The following PARD3B variants were observed in gnomAD, a reference collection of about 807,000 sequenced individuals.
PARD3B encodes par-3 family cell polarity regulator beta.
Under a neutral mutation model 130.2 loss-of-function variants are expected in PARD3B, and 103 were observed. That is an observed-to-expected ratio of 0.79 (90% CI 0.67 to 0.93). PARD3B has a LOEUF of 0.93. Among genes scored for constraint, PARD3B ranks in the 40% least tolerant of loss-of-function variants. The pLI is 0.00. For missense variants in PARD3B, 1,609 were observed against 1,499.2 expected, an observed-to-expected ratio of 1.07 and a Z score of -1.21; for synonymous variants, 583 against 553.2, an observed-to-expected ratio of 1.05 and a Z score of -0.76.
chr2:205,423,430 A>C (rs571251462), intron 19 of PARD3B, among the ~76,000 whole-genome samples: 1 of 152,312 alleles, frequency 6.6e-6, no homozygotes, highest in African/African-American at 2.4e-5. Flanking sequence ...AGCCTAGTGC[A>C]GTTCTAAGTA....
At position 205,057,187 on chromosome 2, in the gene PARD3B, T is replaced by C. The variant is rs115394210; in HGVS notation, c.504+9497T>C. Reference sequence around the variant, plus strand: ...TGAATAAAATTATGATATACCTACATATATGAATATATTTACAAATCCTGA... The same window carrying C: ...TGAATAAAATTATGATATACCTACACATATGAATATATTTACAAATCCTGA... On this transcript the variant is annotated intron_variant, in intron 4 of 22. Coordinates refer to ENST00000406610, the MANE Select transcript of PARD3B (RefSeq NM_001302769.2). Among the ~76,000 whole-genome samples the C allele has an allele frequency of 6.2e-3, 945 of 151,288 alleles. 11 individuals carry two copies. The highest frequency in any genetic ancestry group is 0.022 in the African/African-American group (908 of 41,334).
intron 4 of PARD3B, among the ~76,000 whole-genome samples, chr2:205,099,055 G>A (rs1330862280): frequency 6.6e-6 from 1 of 152,086 alleles, no homozygotes; most frequent in Non-Finnish European, 1.5e-5. Context: ...CATCTTAAAG[G>A]TGTCTGACCA....
At chr2:204,942,956 A>G (rs1482011607) in intron 2 of PARD3B, among the ~76,000 whole-genome samples, 1 of 152,122 alleles carries the variant, frequency 6.6e-6, no homozygotes, top group Non-Finnish European at 1.5e-5. Flanking sequence ...ATGATGAACT[A>G]ATCTGTACAA....
Position 205,091,733 on chromosome 2 carries a change from T to A in PARD3B, c.505-12693T>A, listed in dbSNP as rs539846729. On this transcript the variant is annotated intron_variant, in intron 4 of 22. Transcript: ENST00000406610. This position sits in a 1 kb window ranked among gnomAD's most constrained non-coding sequence, Gnocchi z 4.2. The stretch of plus-strand genomic sequence containing the variant: ...GGGATCTTGCTGGTGCTCAGTTGAG[T>A]TGAATTATAGAACATGCAAAGGGGA... Among the ~76,000 whole-genome samples, 36 of 152,080 alleles carry A rather than the reference T, an allele frequency of 2.4e-4. 1 individual carries two copies. The East Asian group carries it at 7.0e-3, about 30-fold the overall frequency.
Position 205,530,493 on chromosome 2 carries a change from TTGTC to T in PARD3B, c.3181-22828_3181-22825del, listed in dbSNP as rs1349179624. Among the ~76,000 whole-genome samples the T allele has an allele frequency of 6.6e-6, 1 of 152,212 alleles. No individual in the cohort carries two copies. The highest frequency in any genetic ancestry group is 2.4e-5 in the African/African-American group (1 of 41,456). ...TGTTTTTATTTTCTCCTTTTCTGCT[TTGTC>T]TGCTTTCTTCCAGAATACAGCGTGC... On this transcript the variant is annotated intron_variant, in intron 21 of 22. Coordinates refer to ENST00000406610, the MANE Select transcript of PARD3B (RefSeq NM_001302769.2). This position sits in a 1 kb window ranked among gnomAD's most constrained non-coding sequence, Gnocchi z 4.7.
chr2:205,057,559 A>G (rs1297794468), intron 4 of PARD3B, among the ~76,000 whole-genome samples: 1 of 144,644 alleles, frequency 6.9e-6, no homozygotes, highest in Non-Finnish European at 1.5e-5. Context: ...ATATGTATAT[A>G]TACATATATG....
intron 18 of PARD3B, among the ~76,000 whole-genome samples, chr2:205,331,406 TCTC>T (rs1324549558): frequency 6.6e-6 from 1 of 151,952 alleles, no homozygotes; most frequent in Non-Finnish European, 1.5e-5. Context: ...AGCCAGAAGT[TCTC>T]CTCACAGCCT....
intron 2 of PARD3B, among the ~76,000 whole-genome samples, chr2:204,956,249 T>A (rs191609836): frequency 4.6e-5 from 7 of 152,208 alleles, no homozygotes; most frequent in Non-Finnish European, 1.0e-4. Flanking sequence ...CCAAGGAGTA[T>A]GTTTCTGAGA....
At chr2:205,494,807 T>C (rs1203956046) in intron 20 of PARD3B, among the ~76,000 whole-genome samples, 1 of 152,202 alleles carries the variant, frequency 6.6e-6, no homozygotes, top group Non-Finnish European at 1.5e-5. Context: ...ACACAAATCC[T>C]GGCCCACCAT....
chr2:205,122,024 C>A lies in PARD3B; in HGVS notation c.1165+75C>A. 1.6e-6 allele frequency: 2 copies of A among 1,241,848 alleles called. No homozygotes were observed. The highest frequency in any genetic ancestry group is 1.5e-5 in the South Asian group (1 of 66,922). The allele number at this position is 1,241,848 out of a possible 1,614,324, so 76.9% of individuals were successfully genotyped here. On this transcript the variant is annotated intron_variant, in intron 8 of 22. Coordinates refer to ENST00000406610, the MANE Select transcript of PARD3B (RefSeq NM_001302769.2). The surrounding 1 kb of genome is among the most constrained non-coding windows in gnomAD (Gnocchi z 4.3). ...ATTGGTTAAGAGAAATGCATTAAGGCTAATTTAGTTAATTCTCCCTTCATT... is the reference window on the plus strand; with the variant it reads ...ATTGGTTAAGAGAAATGCATTAAGGATAATTTAGTTAATTCTCCCTTCATT...
Position 205,457,390 on chromosome 2 carries a change from C to A in PARD3B, c.3044+16718C>A, listed in dbSNP as rs186654424. 1.5e-4 allele frequency among the ~76,000 whole-genome samples: 23 copies of A among 151,930 alleles called. No homozygotes were observed. The East Asian group carries it at 4.4e-3, about 29-fold the overall frequency. On this transcript the variant is annotated intron_variant, in intron 20 of 22. Coordinates refer to ENST00000406610, the MANE Select transcript of PARD3B (RefSeq NM_001302769.2). ...CTGATATTTATAATTTTTATTTTCT[C>A]CTTTTTTTGTCAATCTTGTAGATTT...
At chr2:205,270,484 T>C (rs981673290) in intron 16 of PARD3B, among the ~76,000 whole-genome samples, 1 of 151,932 alleles carries the variant, frequency 6.6e-6, no homozygotes, top group African/African-American at 2.4e-5. Flanking sequence ...GGAATATCGC[T>C]TGAACCCGGG....
rs1477355913 is a variant in PARD3B at position 205,280,959 on chromosome 2, A to T, written c.2186-19571A>T. Among the ~76,000 whole-genome samples the T allele has an allele frequency of 6.6e-6, 1 of 152,222 alleles. No homozygotes were observed. Among genetic ancestry groups the T allele is most frequent in the East Asian group, 1.9e-4 (1 of 5,196 alleles). ...GCAGCCGTTTAACCTGACCTCTTCCAGATCCAGTATTTTAAAAGCCATAAA... is the reference window on the plus strand; with the variant it reads ...GCAGCCGTTTAACCTGACCTCTTCCTGATCCAGTATTTTAAAAGCCATAAA... On this transcript the variant is annotated intron_variant, in intron 16 of 22. Coordinates refer to ENST00000406610, the MANE Select transcript of PARD3B (RefSeq NM_001302769.2). The surrounding 1 kb of genome is among the most constrained non-coding windows in gnomAD (Gnocchi z 4.7).
intron 21 of PARD3B, among the ~76,000 whole-genome samples, chr2:205,535,066 T>C (rs1403046098): frequency 6.6e-6 from 1 of 152,186 alleles, no homozygotes; most frequent in African/African-American, 2.4e-5. Flanking sequence ...GCATCTCTCT[T>C]AGCTCTACAT....
At position 205,062,378 on chromosome 2, in the gene PARD3B, T is replaced by G. The variant is rs541236350; in HGVS notation, c.504+14688T>G. Among the ~76,000 whole-genome samples, 13 of 152,246 alleles carry G rather than the reference T, an allele frequency of 8.5e-5. No homozygotes were observed. The East Asian group carries it at 2.5e-3, about 29-fold the overall frequency. ...TGCCCTCAGATCACACACTTGTTCC[T>G]GGACTGAGGCATGCCCTGCTGTGCC... On this transcript the variant is annotated intron_variant, in intron 4 of 22. Coordinates refer to ENST00000406610, the MANE Select transcript of PARD3B (RefSeq NM_001302769.2).
At chr2:204,941,349 G>A (rs1405664612) in intron 2 of PARD3B, among the ~76,000 whole-genome samples, 1 of 152,142 alleles carries the variant, frequency 6.6e-6, no homozygotes, top group African/African-American at 2.4e-5. Context: ...ACTCCAGCCT[G>A]GGCGACAGAG....
intron 4 of PARD3B, among the ~76,000 whole-genome samples, chr2:205,076,989 C>T (rs1230020381): frequency 6.6e-6 from 1 of 152,164 alleles, no homozygotes; most frequent in Non-Finnish European, 1.5e-5. Context: ...CATCCACTAA[C>T]ATCCCATAGA....
intron 3 of PARD3B, among the ~76,000 whole-genome samples, chr2:204,987,054 G>A (rs1352971562): frequency 6.6e-6 from 1 of 152,138 alleles, no homozygotes; most frequent in African/African-American, 2.4e-5. Context: ...TATAGTATTG[G>A]TTTGGTGTAT....
chr2:204,849,336 ACT>A (rs1340801329), intron 2 of PARD3B, among the ~76,000 whole-genome samples: 21 of 152,172 alleles, frequency 1.4e-4, no homozygotes, highest in African/African-American at 3.9e-4. Flanking sequence ...AAAAATAGAA[ACT>A]CTTTTGGTAA....
Sources: allele counts gnomAD v4.1 joint callset (sites outside exome capture counted in the v4.1 genomes callset), GRCh38; gene constraint gnomAD v4.1.1; non-coding constraint Gnocchi (gnomAD v3.1); transcripts MANE v1.5; gene names NCBI Gene and HGNC (gene_info 2026-07-23, HGNC 2026-07-21).